The following CD1B variants were observed in gnomAD, a reference collection of about 807,000 sequenced individuals.
The protein encoded by CD1B is CD1b molecule.
In CD1B, 43 loss-of-function variants were observed where a neutral mutation model predicts 39.8. That is an observed-to-expected ratio of 1.08 (90% CI 0.85 to 1.39). The LOEUF (loss-of-function observed/expected upper bound fraction) is 1.39. Among genes scored for constraint, CD1B ranks in the 40% most tolerant of loss-of-function variants. The pLI is 0.00. For synonymous variants in CD1B, 192 were observed against 152.5 expected (o/e 1.26, Z -1.91); for missense variants, 495 against 403.8 (o/e 1.23, Z -1.94).
At position 158,330,188 on chromosome 1, in the gene CD1B, G is replaced by A. The variant is rs115650728; in HGVS notation, c.329-58C>T. On this transcript the variant is annotated intron_variant, in intron 2 of 5. Transcript: ENST00000368168. The stretch of plus-strand genomic sequence containing the variant: ...ACACAAATAAGAAAAAAAGGCATGA[G>A]AAAAGAACCTAGGATTTTAGATTTT... 1.4e-3 allele frequency: 2,139 copies of A among 1,482,874 alleles called. 29 individuals carry two copies. In the African/African-American group the frequency reaches 0.027, roughly 19 times the overall value. 91.9% of individuals were successfully genotyped at this position (1,482,874 alleles called of 1,614,324 possible).
the CD1B span, among the ~76,000 whole-genome samples, chr1:158,309,844 A>G: frequency 0.061 from 5,258 of 86,120 alleles, 221 homozygotes; most frequent in African/African-American, 0.17. Flanking sequence ...GGTGGGGGGA[A>G]GGGGGAGGGA....
chr1:158,316,035 G>A, the CD1B span, among the ~76,000 whole-genome samples: 1 of 151,978 alleles, frequency 6.6e-6, no homozygotes, highest in African/African-American at 2.4e-5. Context: ...TTTGGTTCCA[G>A]TACCATGCTG....
At chr1:158,291,967 C>T in the CD1B span, 4 of 975,222 alleles carry the variant, frequency 4.1e-6, no homozygotes, top group Non-Finnish European at 6.1e-6. Context: ...GTCTTTGGCT[C>T]ACTCTCACAT....
chr1:158,316,516 A>C, the CD1B span, among the ~76,000 whole-genome samples: 1 of 151,924 alleles, frequency 6.6e-6, no homozygotes, highest in East Asian at 1.9e-4. Flanking sequence ...TTGTATCCTG[A>C]GATTTTGCTG....
chr1:158,329,664 G>GAAAAAAA lies in CD1B; in HGVS notation c.608-23_608-17dup. The GAAAAAAA allele has an allele frequency of 6.3e-7, 1 of 1,598,992 alleles. No individual in the cohort carries two copies. Among genetic ancestry groups the GAAAAAAA allele is most frequent in the Admixed American group, 1.8e-5 (1 of 55,702 alleles). Reference sequence around the variant, plus strand: ...TCAGGCTTCACTAAGGCAGGAAGGAGAAAAAAAAGTGTCATGTTATAACTC... The same window carrying GAAAAAAA: ...TCAGGCTTCACTAAGGCAGGAAGGAGAAAAAAAAAAAAAAAGTGTCATGTTATAACTC... On this transcript the variant is annotated splice_polypyrimidine_tract_variant and intron_variant, in intron 3 of 5. Coordinates refer to ENST00000368168, the MANE Select transcript of CD1B (RefSeq NM_001764.3).
At chr1:158,330,662 A>G (rs1301947365) in intron 2 of CD1B, 134 bp downstream of exon 2, 2 of 864,636 alleles carry the variant, frequency 2.3e-6, no homozygotes, top group Non-Finnish European at 4.0e-6. Flanking sequence ...GTGAGAGACT[A>G]CTCAAGAAAA....
At chr1:158,315,569 A>G in the CD1B span, among the ~76,000 whole-genome samples, 4 of 151,484 alleles carry the variant, frequency 2.6e-5, no homozygotes, top group East Asian at 1.9e-4. Context: ...CCTTTGTCAG[A>G]TGAGTAGGTT....
chr1:158,311,991 T>G, the CD1B span, among the ~76,000 whole-genome samples: 1 of 152,214 alleles, frequency 6.6e-6, no homozygotes, highest in Admixed American at 6.5e-5. Flanking sequence ...CTTTGATGGT[T>G]CAATATTAAT....
Position 158,330,916 on chromosome 1 carries a change from G to C in CD1B, c.208C>G (p.Pro70Ala), listed in dbSNP as rs1652576534. ...SDSGTAIFLK[P>A]WSKGNFSDKE... ...TCACTAAAGTTACCTTTAGACCAAG[G>C]CTTCAGGAATATGGCAGTGCCTGAG... The change falls in exon 2 of 6, where the codon CCT becomes GCT. Residue 70 changes from proline (P) to alanine (A), a missense_variant. Physicochemically the swap from Pro to Ala is conservative, Grantham distance 27. Transcript: ENST00000368168. 1.9e-6 allele frequency: 3 copies of C among 1,614,076 alleles called. No homozygotes were observed. The highest frequency in any genetic ancestry group is 2.5e-6 in the Non-Finnish European group (3 of 1,179,992).
chr1:158,304,296 C>G, the CD1B span, among the ~76,000 whole-genome samples: 1 of 152,140 alleles, frequency 6.6e-6, no homozygotes, highest in African/African-American at 2.4e-5. Context: ...AGATTATATC[C>G]CATGCCAGGC....
At chr1:158,317,401 G>A in the CD1B span, among the ~76,000 whole-genome samples, 1 of 152,302 alleles carries the variant, frequency 6.6e-6, no homozygotes, top group Non-Finnish European at 1.5e-5. Flanking sequence ...GAGAGTGTAT[G>A]TGTCGAGGAA....
chr1:158,292,041 C>CT, the CD1B span: 1 of 1,568,220 alleles, frequency 6.4e-7, no homozygotes, highest in Non-Finnish European at 8.6e-7. Context: ...GTTGTTTTCA[C>CT]TTTTTTGTTT....
At chr1:158,314,176 C>T in the CD1B span, among the ~76,000 whole-genome samples, 1 of 152,104 alleles carries the variant, frequency 6.6e-6, no homozygotes, top group Non-Finnish European at 1.5e-5. Context: ...CCTCTGCCTC[C>T]CAGGTTCAAG....
the CD1B span, among the ~76,000 whole-genome samples, chr1:158,312,957 C>A: frequency 2.0e-5 from 3 of 152,000 alleles, no homozygotes; most frequent in African/African-American, 7.2e-5. Flanking sequence ...CATCTTTTCC[C>A]CATTTTGTTT....
chr1:158,306,579 C>T, the CD1B span, among the ~76,000 whole-genome samples: 1 of 152,088 alleles, frequency 6.6e-6, no homozygotes, highest in Admixed American at 6.6e-5. Context: ...ACCAAGTGGA[C>T]CTAATAGACA....
At chr1:158,310,649 A>G in the CD1B span, among the ~76,000 whole-genome samples, 1 of 152,306 alleles carries the variant, frequency 6.6e-6, no homozygotes, top group East Asian at 1.9e-4. Flanking sequence ...AAAATAGGCA[A>G]AGAATATCAA....
At chr1:158,294,540 T>C in the CD1B span, among the ~76,000 whole-genome samples, 7 of 152,242 alleles carry the variant, frequency 4.6e-5, no homozygotes, top group African/African-American at 7.2e-5. Flanking sequence ...GTATAATTTA[T>C]AGTAAAATTT....
the CD1B span, among the ~76,000 whole-genome samples, chr1:158,308,233 T>G: frequency 6.6e-6 from 1 of 152,160 alleles, no homozygotes; most frequent in African/African-American, 2.4e-5. Context: ...CATTCACAAT[T>G]GCTTCAAAAA....
chr1:158,296,898 A>G, the CD1B span, among the ~76,000 whole-genome samples: 2 of 152,322 alleles, frequency 1.3e-5, no homozygotes, highest in Non-Finnish European at 1.5e-5. Flanking sequence ...CACAAAATAA[A>G]GAAAAAATAA....
Sources: allele counts gnomAD v4.1 joint callset (sites outside exome capture counted in the v4.1 genomes callset), GRCh38; gene constraint gnomAD v4.1.1; transcripts MANE v1.5; gene names NCBI Gene and HGNC (gene_info 2026-07-23, HGNC 2026-07-21).